The following IRAK2 variants were observed in gnomAD, a reference collection of about 807,000 sequenced individuals.
IRAK2 encodes the protein interleukin 1 receptor associated kinase 2, also known as interleukin-1 receptor-associated kinase-like 2.
In IRAK2, 57 loss-of-function variants were observed where a neutral mutation model predicts 72.0. The observed-to-expected ratio is 0.79, with a 90% CI of 0.64 to 0.99. IRAK2 has a LOEUF of 0.99. Ranked by LOEUF, IRAK2 falls within the 50% of genes least tolerant of loss-of-function variation. IRAK2 has a pLI of 0.00. For synonymous variants in IRAK2, 293 were observed against 312.7 expected, an observed-to-expected ratio of 0.94 and a Z score of 0.67; for missense variants, 790 against 794.4, an observed-to-expected ratio of 0.99 and a Z score of 0.07.
chr3:10,223,277 G>C (rs533132298), intron 9 of IRAK2, among the ~76,000 whole-genome samples: 3 of 152,068 alleles, frequency 2.0e-5, no homozygotes, highest in Admixed American at 2.0e-4. Context: ...ATCGCTGTCC[G>C]ATCATCCATC....
chr3:10,229,969 G>A (rs946593880), intron 10 of IRAK2, among the ~76,000 whole-genome samples: 3 of 151,986 alleles, frequency 2.0e-5, no homozygotes, highest in Non-Finnish European at 2.9e-5. Flanking sequence ...GTGTGGTGGC[G>A]AGTGCCTGTA....
chr3:10,227,184 A>G (rs1697792622), intron 10 of IRAK2, among the ~76,000 whole-genome samples: 1 of 152,002 alleles, frequency 6.6e-6, no homozygotes, highest in African/African-American at 2.4e-5. Context: ...GGTGGCTCAC[A>G]CCTCTAATCC....
At chr3:10,201,458 T>A (rs1367624901) in intron 3 of IRAK2, among the ~76,000 whole-genome samples, 1 of 152,212 alleles carries the variant, frequency 6.6e-6, no homozygotes, top group Non-Finnish European at 1.5e-5. Context: ...CTCCCCTCCA[T>A]CAGTCACAGT....
chr3:10,220,200 T>A (rs1697666923), intron 8 of IRAK2, among the ~76,000 whole-genome samples: 1 of 152,160 alleles, frequency 6.6e-6, no homozygotes, highest in South Asian at 2.1e-4. Context: ...CCCCTTCTTG[T>A]GTAGCTGTTG....
chr3:10,175,882 C>T (rs1296394852), intron 1 of IRAK2, among the ~76,000 whole-genome samples: 2 of 128,170 alleles, frequency 1.6e-5, no homozygotes, highest in Non-Finnish European at 3.2e-5. Context: ...CAGAGCGAGA[C>T]TCCGTCTCAA....
At chr3:10,209,169 C>T (rs1294967998) in intron 3 of IRAK2, among the ~76,000 whole-genome samples, 2 of 152,138 alleles carry the variant, frequency 1.3e-5, no homozygotes, top group Admixed American at 1.3e-4. Context: ...TGCATCCCTG[C>T]CCTGGTGGAG....
intron 3 of IRAK2, among the ~76,000 whole-genome samples, chr3:10,204,800 G>T (rs544593452): frequency 3.9e-5 from 6 of 152,054 alleles, no homozygotes; most frequent in African/African-American, 1.4e-4. Flanking sequence ...GAAAAAGAAA[G>T]CTTCTGGAAG....
intron 6 of IRAK2, among the ~76,000 whole-genome samples, chr3:10,214,298 G>A (rs996994799): frequency 6.6e-6 from 1 of 151,314 alleles, no homozygotes; most frequent in Admixed American, 6.6e-5. Context: ...AATGATTGTA[G>A]ATCACTGCAG....
In IRAK2 at chr3:10,192,588, A is replaced by AAATTATCCC. The variant is rs1697194352; in HGVS notation, c.278-7781_278-7780insAATTATCCC. Among the ~76,000 whole-genome samples, 6 of 152,350 alleles carry AAATTATCCC rather than the reference A, an allele frequency of 3.9e-5. No homozygotes were observed. In the South Asian group the frequency reaches 8.3e-4, roughly 21 times the overall value. On this transcript the variant is annotated intron_variant, in intron 2 of 12. Coordinates refer to ENST00000256458, the MANE Select transcript of IRAK2 (RefSeq NM_001570.4). ...GTAGCAATTATCCCCCAGAGCTGTT[A>AAATTATCCC]CCTGAATTAAATAGGCCACAGATAT... is the stretch of plus-strand genomic sequence containing the variant.
chr3:10,201,845 C>T (rs192975394), intron 3 of IRAK2, among the ~76,000 whole-genome samples: 31 of 152,168 alleles, frequency 2.0e-4, no homozygotes, highest in African/African-American at 5.6e-4. Context: ...AAGCCAGGGG[C>T]GGCATCAGCT....
intron 1 of IRAK2, among the ~76,000 whole-genome samples, chr3:10,173,079 C>T (rs1210742217): frequency 6.6e-6 from 1 of 151,992 alleles, no homozygotes; most frequent in African/African-American, 2.4e-5. Context: ...GTTCTGAGTG[C>T]TTCTGTACAT....
At chr3:10,238,135 G>A (rs1697995379) in intron 11 of IRAK2, among the ~76,000 whole-genome samples, 1 of 152,030 alleles carries the variant, frequency 6.6e-6, no homozygotes, top group Non-Finnish European at 1.5e-5. Context: ...GACATAGGGA[G>A]GGGGAAGAAT....
At chr3:10,200,191 C>T (rs696041) in intron 2 of IRAK2, among the ~76,000 whole-genome samples, 178 bp from the exon 3 acceptor site, 34,427 of 152,034 alleles carry the variant, frequency 0.23, 4,800 homozygotes, top group East Asian at 0.64. Flanking sequence ...CCTGGTCTAC[C>T]GCATTTTACA....
chr3:10,238,841 TC>T lies in IRAK2; in HGVS notation c.1569del (p.Asn524ThrfsTer20). On this transcript the variant is annotated frameshift_variant, in exon 12 of 13. Transcript: ENST00000256458. LOFTEE classifies it high-confidence loss of function. ...SGLSEGTGSSSNTPEETDDVD... is the reference protein window; with the variant it reads ...SGLSEGTGSSXNTPEETDDVD... ...GCTTTCTGAGGGTACAGGCTCTTCTTCCAACACCCCAGAGGAAACAGACGAC... is the reference window on the plus strand; with the variant it reads ...GCTTTCTGAGGGTACAGGCTCTTCTTCAACACCCCAGAGGAAACAGACGAC... 2 of 1,614,088 alleles carry T rather than the reference TC, an allele frequency of 1.2e-6. No homozygotes were observed. Among genetic ancestry groups the T allele is most frequent in the Non-Finnish European group, 1.7e-6 (2 of 1,180,000 alleles).
chr3:10,189,184 G>T (rs904169041), intron 2 of IRAK2, among the ~76,000 whole-genome samples: 2 of 152,226 alleles, frequency 1.3e-5, no homozygotes, highest in Non-Finnish European at 2.9e-5. Flanking sequence ...GAGAGGATTT[G>T]ATCTCATCAG....
chr3:10,215,452 G>A (rs1697588533), intron 6 of IRAK2, among the ~76,000 whole-genome samples: 1 of 147,666 alleles, frequency 6.8e-6, no homozygotes, highest in African/African-American at 2.5e-5. Flanking sequence ...AATTTAAAAA[G>A]GAATAAAGAA....
At position 10,164,947 on chromosome 3, in the gene IRAK2, A is replaced by C; in HGVS notation, c.-8A>C. 1 of 1,604,106 alleles carries C rather than the reference A, an allele frequency of 6.2e-7. No homozygotes were observed. On this transcript the variant is annotated 5_prime_UTR_variant, in exon 1 of 13. Transcript: ENST00000256458. ...CGTCCCGCGCCGGAGCCGGCCCCGT[A>C]GCGTGCCATGGCCTGCTACATCTAC... is the stretch of plus-strand genomic sequence containing the variant.
At chr3:10,229,802 T>A (rs1575988280) in intron 10 of IRAK2, among the ~76,000 whole-genome samples, 4 of 152,152 alleles carry the variant, frequency 2.6e-5, no homozygotes, top group South Asian at 4.1e-4. Flanking sequence ...ATTCTTATTT[T>A]AAAAAAATGA....
chr3:10,176,291 T>C (rs1696874218), intron 1 of IRAK2, among the ~76,000 whole-genome samples: 1 of 152,050 alleles, frequency 6.6e-6, no homozygotes, highest in African/African-American at 2.4e-5. Flanking sequence ...GTCATTCACT[T>C]AGCATATCTT....
Sources: gnomAD v4.1 joint callset for allele counts (sites outside exome capture counted in the v4.1 genomes callset) on GRCh38, gnomAD v4.1.1 for gene constraint, MANE v1.5 for transcripts, NCBI Gene and HGNC (gene_info 2026-07-23, HGNC 2026-07-21) for gene names.